Variants in SNAP91 observed in about 807,000 individuals in gnomAD.
SNAP91 encodes the protein clathrin coat assembly protein AP180.
SNAP91 carries 27 observed loss-of-function variants against 100.3 expected under a neutral mutation model. That is an observed-to-expected ratio of 0.27 (90% CI 0.20 to 0.37). The LOEUF is 0.37. Ranked by LOEUF, SNAP91 falls within the 10% of genes least tolerant of loss-of-function variation. The probability of loss-of-function intolerance (pLI) is 1.00; values close to 1 mark genes in which losing one functional copy is unlikely to be tolerated. For synonymous variants in SNAP91, 404 were observed against 398.6 expected (o/e 1.01, Z -0.16); for missense variants, 986 against 1,123.7 (o/e 0.88, Z 1.75).
At chr6:83,615,063 G>C (rs1209086391) in intron 10 of SNAP91, among the ~76,000 whole-genome samples, 1 of 152,048 alleles carries the variant, frequency 6.6e-6, no homozygotes, top group East Asian at 1.9e-4. Context: ...TTGAAATGGA[G>C]GACTATTGAA....
At chr6:83,616,131 C>A (rs2096472887) in intron 10 of SNAP91, among the ~76,000 whole-genome samples, 1 of 152,044 alleles carries the variant, frequency 6.6e-6, no homozygotes, top group South Asian at 2.1e-4. Context: ...GAAATAGCCA[C>A]AATACTGAGC....
chr6:83,705,888 A>C (rs1055955883), intron 2 of SNAP91, among the ~76,000 whole-genome samples: 10 of 151,984 alleles, frequency 6.6e-5, no homozygotes, highest in African/African-American at 2.4e-5. Flanking sequence ...TATAAAGTTC[A>C]GTTCGTGCTA....
chr6:83,683,129 A>G (rs964714040), intron 2 of SNAP91, among the ~76,000 whole-genome samples: 1 of 152,020 alleles, frequency 6.6e-6, no homozygotes, highest in Admixed American at 6.5e-5. Flanking sequence ...GATTTGGGAA[A>G]ACCACCCTTT....
At chr6:83,559,831 T>C (rs1019171135) in intron 28 of SNAP91, among the ~76,000 whole-genome samples, 1 of 152,168 alleles carries the variant, frequency 6.6e-6, no homozygotes, top group Non-Finnish European at 1.5e-5. Flanking sequence ...CTGGGACACA[T>C]GCCTTGGATG....
At chr6:83,692,422 G>A (rs1489222913) in intron 2 of SNAP91, among the ~76,000 whole-genome samples, 1 of 151,758 alleles carries the variant, frequency 6.6e-6, no homozygotes, top group East Asian at 1.9e-4. Context: ...GGTTGAGGCA[G>A]AAGAATCCCT....
chr6:83,590,433 T>C (rs955373743), intron 22 of SNAP91, among the ~76,000 whole-genome samples: 1 of 152,138 alleles, frequency 6.6e-6, no homozygotes, highest in African/African-American at 2.4e-5. Context: ...ATTCTATATA[T>C]ACTACTTGGG....
At chr6:83,667,885 G>A (rs189943785) in intron 2 of SNAP91, among the ~76,000 whole-genome samples, 8 of 152,220 alleles carry the variant, frequency 5.3e-5, no homozygotes, top group African/African-American at 1.9e-4. Context: ...CCATCAGAGT[G>A]GACAGGCAAC....
At chr6:83,706,601 T>A (rs2099386340) in intron 2 of SNAP91, among the ~76,000 whole-genome samples, 2 of 152,250 alleles carry the variant, frequency 1.3e-5, no homozygotes, top group African/African-American at 4.8e-5. Context: ...GTAAGCTTCA[T>A]CAAGCTTCGC....
At chr6:83,580,723 C>CGG in intron 23 of SNAP91, 124 bp from the exon 24 acceptor site, 1 of 867,672 alleles carries the variant, frequency 1.2e-6, no homozygotes, top group Non-Finnish European at 1.7e-6. Context: ...TAAAAGAAGG[C>CGG]AAGTAATTCA....
At chr6:83,666,617 T>C (rs2098691514) in intron 2 of SNAP91, among the ~76,000 whole-genome samples, 1 of 152,140 alleles carries the variant, frequency 6.6e-6, no homozygotes, top group South Asian at 2.1e-4. Context: ...TCACAATAAA[T>C]GTTTTTAAAA....
chr6:83,573,498 A>G (rs1289461755), intron 26 of SNAP91, among the ~76,000 whole-genome samples: 4 of 152,176 alleles, frequency 2.6e-5, no homozygotes, highest in Admixed American at 2.6e-4. Flanking sequence ...TGCCAAGACA[A>G]TCCTAAGCCA....
At position 83,556,233 on chromosome 6, in the gene SNAP91, G is replaced by A. The variant is rs772094226; in HGVS notation, c.2644C>T (p.Pro882Ser). 1 of 1,543,860 alleles carries A rather than the reference G, an allele frequency of 6.5e-7. No individual in the cohort carries two copies. The highest frequency in any genetic ancestry group is 1.9e-5 in the Admixed American group (1 of 51,728). ...TTGGGACTCTGACTGGCAGGTGTAG[G>A]GCTTGGAGAAAGCTAATGGGAAAAA... ...AVPGTQLSPS[P>S]TPASQSPKKP... The change falls in exon 29 of 30, where the codon CCT becomes TCT. Residue 882 changes from proline to serine, a missense_variant. Physicochemically the swap from Pro to Ser is moderately conservative, Grantham distance 74. This residue lies in a region of SNAP91 where 71 missense variants were observed against 68.5 expected (regional missense o/e 1.04). Transcript: ENST00000369694.
At chr6:83,592,909 G>C (rs2093972430) in intron 20 of SNAP91, 37 bp downstream of exon 20, 1 of 1,464,146 alleles carries the variant, frequency 6.8e-7, no homozygotes. Flanking sequence ...ACTTCCACAA[G>C]ACATCTCTGA....
chr6:83,661,966 A>G (rs976554300), intron 4 of SNAP91, among the ~76,000 whole-genome samples: 7 of 152,214 alleles, frequency 4.6e-5, no homozygotes, highest in African/African-American at 7.2e-5. Context: ...AACAGTGAAT[A>G]TGATAAATGA....
chr6:83,580,638 C>G (rs1554211516), intron 23 of SNAP91, 39 bp from the exon 24 acceptor site: 1 of 1,525,438 alleles, frequency 6.6e-7, no homozygotes, highest in East Asian at 2.3e-5. Context: ...TAATTGAAAA[C>G]AAAAAAAGAT....
chr6:83,596,622 C>T lies in SNAP91; in HGVS notation c.1325-2141G>A, dbSNP rs140231782. On this transcript the variant is annotated intron_variant, in intron 16 of 29. Coordinates refer to ENST00000369694, the MANE Select transcript of SNAP91 (RefSeq NM_001242792.2). ...TAGATAACACAACCAAAGCTTAAAG[C>T]GTGTGTGTTCTCATCACAAACAATA... Among the ~76,000 whole-genome samples the T allele has an allele frequency of 2.9e-4, 44 of 151,842 alleles. 1 individual carries two copies. The highest frequency in any genetic ancestry group is 2.7e-3 in the Admixed American group (42 of 15,284).
chr6:83,701,334 G>T (rs1237008844), intron 2 of SNAP91, among the ~76,000 whole-genome samples: 1 of 152,092 alleles, frequency 6.6e-6, no homozygotes, highest in African/African-American at 2.4e-5. Flanking sequence ...AATAAAAAAT[G>T]CTAAGCCTAG....
intron 2 of SNAP91, chr6:83,689,449 G>T (rs1174298598): frequency 1.3e-5 from 2 of 151,984 alleles, no homozygotes; most frequent in Admixed American, 6.6e-5. Flanking sequence ...AAAATTAGTT[G>T]AATATAGCTA....
chr6:83,616,642 T>C (rs1267429412), intron 10 of SNAP91, among the ~76,000 whole-genome samples: 3 of 152,172 alleles, frequency 2.0e-5, no homozygotes, highest in Non-Finnish European at 4.4e-5. Flanking sequence ...TTTTCACTCA[T>C]GTCCAATGAT....
Sources: allele counts gnomAD v4.1 joint callset (sites outside exome capture counted in the v4.1 genomes callset), GRCh38; gene constraint gnomAD v4.1.1; regional missense constraint gnomAD v4.1.1; transcripts MANE v1.5; gene names NCBI Gene and HGNC (gene_info 2026-07-23, HGNC 2026-07-21).